Variants in LRFN5 observed in about 807,000 individuals in gnomAD.
LRFN5 encodes leucine-rich repeat and fibronectin type-III domain-containing protein 5.
A neutral mutation model predicts 45.6 loss-of-function variants in LRFN5; 24 were observed. The ratio of observed to expected loss-of-function variants is 0.53; its 90% CI spans 0.38 to 0.74. LRFN5 has a LOEUF of 0.74. Ranked by LOEUF, LRFN5 falls within the 30% of genes least tolerant of loss-of-function variation. The pLI is 0.00. For missense variants in LRFN5, 776 were observed against 861.5 expected (o/e 0.90, Z 1.24); for synonymous variants, 340 against 313.8 (o/e 1.08, Z -0.88).
chr14:41,616,864 G>A (rs1432012691), intron 1 of LRFN5, among the ~76,000 whole-genome samples: 3 of 151,996 alleles, frequency 2.0e-5, no homozygotes, highest in African/African-American at 7.2e-5. Context: ...AAGACCCTTG[G>A]GACCAATCCA....
intron 1 of LRFN5, among the ~76,000 whole-genome samples, chr14:41,672,472 A>G (rs973201030): frequency 1.3e-5 from 2 of 152,198 alleles, no homozygotes; most frequent in African/African-American, 4.8e-5. Context: ...TTTTAATCAA[A>G]TACTTCTTAG....
In LRFN5 at chr14:41,867,344, G is replaced by A. The variant is rs1276330368; in HGVS notation, c.-20-19262G>A. Among the ~76,000 whole-genome samples the A allele has an allele frequency of 2.7e-5, 4 of 150,000 alleles. No homozygotes were observed. The East Asian group carries it at 7.7e-4, about 29-fold the overall frequency. ...ATGTTAGTTGGTGTATTATACATAT[G>A]CACACATCTGTGTGTGTGTGTGGAG... On this transcript the variant is annotated intron_variant, in intron 2 of 5. Transcript: ENST00000298119.
intron 3 of LRFN5, among the ~76,000 whole-genome samples, chr14:41,890,570 G>A (rs531717424): frequency 5.8e-4 from 88 of 151,964 alleles, no homozygotes; most frequent in African/African-American, 2.0e-3. Context: ...AGCCGGGCGT[G>A]GTGGCGGGCG....
intron 1 of LRFN5, among the ~76,000 whole-genome samples, chr14:41,660,783 G>A (rs1172286434): frequency 6.6e-6 from 1 of 150,704 alleles, no homozygotes; most frequent in African/African-American, 2.4e-5. Flanking sequence ...GATGCATGTG[G>A]CCCATGGATC....
At chr14:41,653,697 A>C (rs1940655013) in intron 1 of LRFN5, among the ~76,000 whole-genome samples, 2 of 152,124 alleles carry the variant, frequency 1.3e-5, no homozygotes, top group African/African-American at 4.8e-5. Context: ...TACTTAAGAA[A>C]CATCACTATT....
chr14:41,823,421 T>TTATCTA (rs58012120), intron 2 of LRFN5, among the ~76,000 whole-genome samples: 103,708 of 150,628 alleles, frequency 0.69, 35,882 homozygotes, highest in East Asian at 0.78. Context: ...AATTCTTGGC[T>TTATCTA]TATCTATATC....
intron 1 of LRFN5, among the ~76,000 whole-genome samples, chr14:41,761,642 AT>A (rs1267584142): frequency 2.0e-5 from 3 of 152,134 alleles, no homozygotes; most frequent in African/African-American, 7.2e-5. Context: ...CCACTCTCTC[AT>A]TTCACCAAGG....
chr14:41,661,537 T>C (rs1880653899), intron 1 of LRFN5, among the ~76,000 whole-genome samples: 2 of 152,070 alleles, frequency 1.3e-5, no homozygotes, highest in African/African-American at 4.8e-5. Context: ...TAGGGCCAAG[T>C]AACTAAGAGT....
chr14:41,741,038 T>A (rs1409924772), intron 1 of LRFN5, among the ~76,000 whole-genome samples: 1 of 149,804 alleles, frequency 6.7e-6, no homozygotes, highest in Non-Finnish European at 1.5e-5. Flanking sequence ...AATGATTGAC[T>A]ATGATGAAAA....
intron 1 of LRFN5, among the ~76,000 whole-genome samples, chr14:41,703,544 T>G (rs778641064): frequency 4.6e-5 from 7 of 152,128 alleles, no homozygotes; most frequent in South Asian, 2.1e-4. Context: ...CAGTGTTTTT[T>G]TTTGTTTGTT....
At chr14:41,671,587 G>T (rs78602602) in intron 1 of LRFN5, among the ~76,000 whole-genome samples, 6 of 141,610 alleles carry the variant, frequency 4.2e-5, no homozygotes, top group African/African-American at 1.6e-4. Context: ...TCACCATTGT[G>T]TGGATGTGGA....
chr14:41,744,869 G>T (rs188209477), intron 1 of LRFN5, among the ~76,000 whole-genome samples: 1 of 152,038 alleles, frequency 6.6e-6, no homozygotes, highest in Non-Finnish European at 1.5e-5. Flanking sequence ...ACATTTACAC[G>T]TAGTAATTGA....
At chr14:41,763,524 C>A (rs374231268) in intron 1 of LRFN5, among the ~76,000 whole-genome samples, 7 of 152,284 alleles carry the variant, frequency 4.6e-5, no homozygotes, top group African/African-American at 1.7e-4. Flanking sequence ...ACCCAAATCT[C>A]ATCTTGAATT....
intron 1 of LRFN5, among the ~76,000 whole-genome samples, chr14:41,694,861 A>G (rs1882536192): frequency 6.6e-6 from 1 of 151,968 alleles, no homozygotes; most frequent in Admixed American, 6.6e-5. Flanking sequence ...TAATAACTCT[A>G]CAATGGCCAC....
At chr14:41,622,520 A>G (rs540933375) in intron 1 of LRFN5, among the ~76,000 whole-genome samples, 484 of 152,252 alleles carry the variant, frequency 3.2e-3, no homozygotes, top group Non-Finnish European at 5.5e-3. Context: ...TTTATCAAAT[A>G]CTGAATCTCT....
chr14:41,810,754 A>G (rs1011487719), intron 2 of LRFN5, among the ~76,000 whole-genome samples: 1 of 152,090 alleles, frequency 6.6e-6, no homozygotes, highest in Admixed American at 6.6e-5. Context: ...GAAAATAAAA[A>G]CAAAATTAAG....
chr14:41,830,466 A>G (rs1888440789), intron 2 of LRFN5, among the ~76,000 whole-genome samples: 3 of 152,180 alleles, frequency 2.0e-5, no homozygotes, highest in Admixed American at 6.5e-5. Context: ...GCTGTTTGAT[A>G]TATTGAATAT....
At chr14:41,644,377 C>T (rs1447875214) in intron 1 of LRFN5, among the ~76,000 whole-genome samples, 1 of 152,026 alleles carries the variant, frequency 6.6e-6, no homozygotes, top group African/African-American at 2.4e-5. Flanking sequence ...GGATGAAGAC[C>T]ATTTATGTTG....
chr14:41,693,832 G>A (rs1480097981), intron 1 of LRFN5, among the ~76,000 whole-genome samples: 1 of 151,798 alleles, frequency 6.6e-6, no homozygotes, highest in Non-Finnish European at 1.5e-5. Context: ...ATAAATGCTC[G>A]CTTTGTTTAC....
Sources: gnomAD v4.1 joint callset for allele counts (sites outside exome capture counted in the v4.1 genomes callset) on GRCh38, gnomAD v4.1.1 for gene constraint, MANE v1.5 for transcripts, NCBI Gene and HGNC (gene_info 2026-07-23, HGNC 2026-07-21) for gene names.